The following STARD8 variants were observed in gnomAD, a reference collection of about 807,000 sequenced individuals.
STARD8 encodes the protein StAR related lipid transfer domain containing 8.
A neutral mutation model predicts 69.4 loss-of-function variants in STARD8; 25 were observed. That is an observed-to-expected ratio of 0.36 (90% CI 0.26 to 0.50). The LOEUF (loss-of-function observed/expected upper bound fraction) is 0.50. STARD8 is among the 20% of genes least tolerant of loss of function. The pLI, the probability that STARD8 is intolerant of heterozygous loss-of-function variation, is 0.96. For missense variants in STARD8, 921 were observed against 932.5 expected (o/e 0.99, Z 0.16); for synonymous variants, 389 against 374.6 (o/e 1.04, Z -0.45).
chrX:68,724,611 T>C lies in STARD8; in HGVS notation c.*189T>C. The stretch of plus-strand genomic sequence containing the variant: ...ACATAGAGGGGAGAAAAAGAGAATT[T>C]AGGCAACTCCACTCCCCCTTCACCC... On this transcript the variant is annotated 3_prime_UTR_variant, in exon 15 of 15. Transcript: ENST00000374599. 2 of 406,866 alleles carry C rather than the reference T, an allele frequency of 4.9e-6. No homozygotes were observed. The highest frequency in any genetic ancestry group is 9.1e-5 in the South Asian group (2 of 22,049). 33.5% of individuals were successfully genotyped at this position (406,866 alleles called of 1,213,427 possible). A position where few individuals can be genotyped will look rare whatever the true frequency, so the allele number is the denominator to read the frequency against.
intron 2 of STARD8, among the ~76,000 whole-genome samples, chrX:68,699,928 C>A (rs1394362878): frequency 9.0e-6 from 1 of 111,605 alleles, no homozygotes; most frequent in Non-Finnish European, 1.9e-5. Context: ...CTTATTGGTG[C>A]CCCCATAGTG....
Position 68,720,250 on chromosome X carries a change from A to G in STARD8, c.1890-14A>G. The G allele has an allele frequency of 8.5e-7, 1 of 1,178,311 alleles. No homozygotes were observed. The highest frequency in any genetic ancestry group is 1.1e-6 in the Non-Finnish European group (1 of 877,134). ...TGTTCCCCCTATCTGATCACTTGTC[A>G]TTCTCCCAAACAGGTCAATGCCCAA... On this transcript the variant is annotated splice_polypyrimidine_tract_variant and intron_variant, in intron 7 of 14. Transcript: ENST00000374599.
chrX:68,705,493 A>G (rs1029593837), intron 2 of STARD8, among the ~76,000 whole-genome samples: 1 of 112,531 alleles, frequency 8.9e-6, no homozygotes, highest in African/African-American at 3.2e-5. Flanking sequence ...AAAATGCCAA[A>G]CCAGAATTGC....
chrX:68,660,899 G>T (rs2147876263), intron 1 of STARD8, among the ~76,000 whole-genome samples: 1 of 112,177 alleles, frequency 8.9e-6, no homozygotes, highest in South Asian at 3.7e-4. Flanking sequence ...GGCGGTGAGA[G>T]CCCACTCTGG....
chrX:68,724,177 C>G, intron 14 of STARD8, 56 bp downstream of exon 14: 1 of 1,182,089 alleles, frequency 8.5e-7, no homozygotes, highest in Non-Finnish European at 1.1e-6. Context: ...CCTCCCCTGC[C>G]TCTGCCCCTA....
intron 2 of STARD8, among the ~76,000 whole-genome samples, chrX:68,698,079 T>A (rs1373588992): frequency 8.9e-6 from 1 of 112,287 alleles, no homozygotes; most frequent in Non-Finnish European, 1.9e-5. Flanking sequence ...AACCCTCACC[T>A]TCCCCCAAGG....
chrX:68,724,436 C>T lies in STARD8; in HGVS notation c.*14C>T, dbSNP rs756925690. The stretch of plus-strand genomic sequence containing the variant: ...ACAAAGCTGTGAGCCTTGGGCTGGT[C>T]CCAGGGTGGCACCACCCAGGCCCCC... On this transcript the variant is annotated 3_prime_UTR_variant, in exon 15 of 15. Coordinates refer to ENST00000374599, the MANE Select transcript of STARD8 (RefSeq NM_001142503.3). 5.9e-6 allele frequency: 7 copies of T among 1,181,612 alleles called. No individual in the cohort carries two copies. The highest frequency in any genetic ancestry group is 8.0e-6 in the Non-Finnish European group (7 of 873,747).
intron 1 of STARD8, 56 bp from the exon 2 acceptor site, chrX:68,665,443 C>T: frequency 8.6e-7 from 1 of 1,161,289 alleles, no homozygotes; most frequent in Admixed American, 2.4e-5. Flanking sequence ...AGATCGCTTT[C>T]AGTTCAGATA....
chrX:68,664,825 G>C (rs771318204), intron 1 of STARD8, among the ~76,000 whole-genome samples: 1 of 112,732 alleles, frequency 8.9e-6, no homozygotes, highest in Admixed American at 9.3e-5. Flanking sequence ...ATCTAGCATA[G>C]TGCTCTGAAG....
intron 4 of STARD8, among the ~76,000 whole-genome samples, chrX:68,715,798 A>T (rs1489901737): frequency 9.0e-6 from 1 of 111,285 alleles, no homozygotes. Flanking sequence ...ATCTAGATCC[A>T]CCAGCGTCGC....
intron 4 of STARD8, among the ~76,000 whole-genome samples, chrX:68,715,864 G>T (rs141680381): frequency 3.4e-4 from 38 of 112,160 alleles, no homozygotes; most frequent in African/African-American, 1.2e-3. Context: ...ACTGCCTAAG[G>T]ATAAAAATGC....
At chrX:68,677,177 G>A (rs935917790) in intron 2 of STARD8, among the ~76,000 whole-genome samples, 2 of 111,101 alleles carry the variant, frequency 1.8e-5, no homozygotes, top group African/African-American at 6.6e-5. Flanking sequence ...TTTGAACAGA[G>A]CGTTGGCTCT....
chrX:68,668,066 T>TTTC (rs1283962357), intron 2 of STARD8, among the ~76,000 whole-genome samples: 10 of 74,170 alleles, frequency 1.3e-4, no homozygotes, highest in African/African-American at 4.9e-4. Context: ...CTTTTCTTTC[T>TTTC]TTCTTTCTTT....
At chrX:68,659,188 T>A (rs1449591977) in intron 1 of STARD8, among the ~76,000 whole-genome samples, 1 of 112,172 alleles carries the variant, frequency 8.9e-6, no homozygotes, top group Admixed American at 9.4e-5. Flanking sequence ...TGAAAAGGCC[T>A]GCCACACAAT....
chrX:68,685,750 A>G (rs1209665417), intron 2 of STARD8, among the ~76,000 whole-genome samples: 2 of 112,692 alleles, frequency 1.8e-5, no homozygotes, highest in Admixed American at 1.9e-4. Context: ...AAGGGAGTCT[A>G]TAAGGACTGA....
intron 14 of STARD8, 27 bp downstream of exon 14, chrX:68,724,148 A>C: frequency 2.0e-5 from 24 of 1,197,981 alleles, no homozygotes; most frequent in Non-Finnish European, 2.7e-5. Flanking sequence ...AGCCTGCTCG[A>C]CCCCCTTGGC....
At chrX:68,706,571 C>G (rs1429787072) in intron 2 of STARD8, among the ~76,000 whole-genome samples, 5 of 112,291 alleles carry the variant, frequency 4.5e-5, no homozygotes, top group African/African-American at 1.6e-4. Flanking sequence ...CAGTCAGCCA[C>G]CCATTACAGC....
chrX:68,712,276 G>C (rs1295617922), intron 2 of STARD8, among the ~76,000 whole-genome samples: 3 of 112,157 alleles, frequency 2.7e-5, no homozygotes, highest in African/African-American at 9.7e-5. Context: ...GAGCATGGGG[G>C]TGCTGCTGTC....
At chrX:68,711,680 A>G (rs942008672) in intron 2 of STARD8, among the ~76,000 whole-genome samples, 6 of 112,215 alleles carry the variant, frequency 5.3e-5, no homozygotes, top group Non-Finnish European at 9.4e-5. Flanking sequence ...CCTTCATCTT[A>G]TCTGTCCCAG....
Sources: gnomAD v4.1 joint callset for allele counts (sites outside exome capture counted in the v4.1 genomes callset) on GRCh38, gnomAD v4.1.1 for gene constraint, MANE v1.5 for transcripts, NCBI Gene and HGNC (gene_info 2026-07-23, HGNC 2026-07-21) for gene names.